The following TNPO3 variants were observed in gnomAD, a reference collection of about 807,000 sequenced individuals.
TNPO3 encodes transportin 3, also known as transportin-3.
In TNPO3, 65 loss-of-function variants were observed where a neutral mutation model predicts 122.8. The ratio of observed to expected loss-of-function variants is 0.53; its 90% CI spans 0.43 to 0.65. The LOEUF (loss-of-function observed/expected upper bound fraction) is 0.65, where lower values mean the gene tolerates loss of function less well. TNPO3 is among the 30% of genes least tolerant of loss of function. TNPO3 has a pLI of 0.00. For synonymous variants in TNPO3, 372 were observed against 411.2 expected (o/e 0.90, Z 1.15); for missense variants, 850 against 1,136.7 (o/e 0.75, Z 3.63).
intron 7 of TNPO3, among the ~76,000 whole-genome samples, chr7:128,999,612 A>G (rs1026917172): frequency 5.1e-5 from 6 of 117,698 alleles, no homozygotes; most frequent in African/African-American, 2.0e-4. Flanking sequence ...CTTCTTTCTC[A>G]CTTTTTTTTT....
At chr7:128,974,308 A>G (rs1384449635) in intron 18 of TNPO3, among the ~76,000 whole-genome samples, 1 of 134,660 alleles carries the variant, frequency 7.4e-6, no homozygotes, top group Non-Finnish European at 1.6e-5. Context: ...TTTTTTTTTA[A>G]TGCTGATATG....
intron 10 of TNPO3, 128 bp from the exon 11 acceptor site, chr7:128,990,228 C>T (rs931396661): frequency 2.0e-6 from 2 of 1,004,940 alleles, no homozygotes; most frequent in Non-Finnish European, 3.2e-6. Flanking sequence ...GATAAAAGTA[C>T]TTGGTATTTG....
intron 21 of TNPO3, among the ~76,000 whole-genome samples, chr7:128,960,469 G>C (rs1797331949): frequency 6.6e-6 from 1 of 151,932 alleles, no homozygotes; most frequent in South Asian, 2.1e-4. Flanking sequence ...AGTGGGACAA[G>C]ATGTAAAAAG....
At chr7:128,979,244 G>T in intron 15 of TNPO3, 121 bp from the exon 16 acceptor site, 2 of 1,187,316 alleles carry the variant, frequency 1.7e-6, no homozygotes, top group Non-Finnish European at 2.4e-6. Flanking sequence ...TTCTGTATAG[G>T]AACACACATG....
intron 18 of TNPO3, among the ~76,000 whole-genome samples, chr7:128,974,530 T>C (rs955864224): frequency 6.6e-6 from 1 of 151,964 alleles, no homozygotes; most frequent in African/African-American, 2.4e-5. Flanking sequence ...AAAGAGAAGG[T>C]TGAGGTGAAA....
Position 128,967,339 on chromosome 7 carries a change from G to A in TNPO3, c.2652C>T (p.Thr884=), listed in dbSNP as rs149434536. Residue 884 remains threonine, a synonymous_variant, in exon 21 of 23, where the codon ACC becomes ACT. Coordinates refer to ENST00000265388, the MANE Select transcript of TNPO3 (RefSeq NM_012470.4). The part of the protein sequence containing the change: ...NSLKGLPKET[T]VGAVTVTHKQ... ...TGTGTGTCACTGTGACGGCTCCCAC[G>A]GTTGTTTCCTTTGGCAAACCTTTTA... 3.3e-4 allele frequency: 528 copies of A among 1,613,932 alleles called. No homozygotes were observed. In the African/African-American group the frequency reaches 5.6e-3, roughly 17 times the overall value.
chr7:128,993,879 C>T lies in TNPO3; in HGVS notation c.1194G>A (p.Glu398=), dbSNP rs747051827. 3.1e-6 allele frequency: 5 copies of T among 1,613,972 alleles called. No individual in the cohort carries two copies. Among genetic ancestry groups the T allele is most frequent in the South Asian group, 2.2e-5 (2 of 91,080 alleles). ...GVPEETDDFG[E]FRMRVSDLVK... is the part of the protein sequence containing the mutation. ...CCAGGTCTGATACCCTCATGCGAAA[C>T]TCCCCAAAGTCATCAGTCTCCTCAG... is the stretch of plus-strand genomic sequence containing the variant. The change falls in exon 9 of 23, where the codon GAG becomes GAA. Residue 398 remains glutamate, a synonymous_variant. Coordinates refer to ENST00000265388, the MANE Select transcript of TNPO3 (RefSeq NM_012470.4).
At chr7:129,049,997 G>A (rs927402028) in intron 1 of TNPO3, among the ~76,000 whole-genome samples, 3 of 152,220 alleles carry the variant, frequency 2.0e-5, no homozygotes, top group Non-Finnish European at 4.4e-5. Context: ...ACTGAGGAGA[G>A]AGGATTGCCT....
intron 20 of TNPO3, among the ~76,000 whole-genome samples, chr7:128,967,610 G>C (rs1189109817): frequency 6.6e-6 from 1 of 152,190 alleles, no homozygotes; most frequent in Admixed American, 6.5e-5. Context: ...CCCTTCAAAG[G>C]GGCAGCGGGC....
At chr7:129,026,070 G>T (rs1382679852) in intron 1 of TNPO3, among the ~76,000 whole-genome samples, 2 of 148,984 alleles carry the variant, frequency 1.3e-5, no homozygotes, top group Non-Finnish European at 3.0e-5. Flanking sequence ...AGGTTGCAGT[G>T]AGCCGAGATC....
intron 1 of TNPO3, among the ~76,000 whole-genome samples, chr7:129,027,244 C>T (rs998341360): frequency 7.2e-5 from 11 of 152,068 alleles, no homozygotes; most frequent in Admixed American, 7.2e-4. Flanking sequence ...TCTGGTATTA[C>T]ATCAATTCAT....
Position 129,054,865 on chromosome 7 carries a change from C to T in TNPO3, c.-95G>A. On this transcript the variant is annotated 5_prime_UTR_variant, in exon 1 of 23. It adds an upstream start codon to the 5' untranslated region. Coordinates refer to ENST00000265388, the MANE Select transcript of TNPO3 (RefSeq NM_012470.4). ...TCGCGCTTCCTCACTGTCTGGGCCA[C>T]GGCCGCTCCCTGACTGGCGCCATCT... 3 of 1,546,206 alleles carry T rather than the reference C, an allele frequency of 1.9e-6. No homozygotes were observed. The highest frequency in any genetic ancestry group is 1.8e-6 in the Non-Finnish European group (2 of 1,133,294).
intron 5 of TNPO3, among the ~76,000 whole-genome samples, chr7:129,004,577 GATAAT>G (rs1482253428): frequency 6.6e-6 from 1 of 152,118 alleles, no homozygotes. Flanking sequence ...CAACTACAAA[GATAAT>G]ATCTTAATCT....
intron 1 of TNPO3, among the ~76,000 whole-genome samples, chr7:129,022,986 T>C (rs958271503): frequency 6.6e-6 from 1 of 152,182 alleles, no homozygotes; most frequent in African/African-American, 2.4e-5. Flanking sequence ...TGGTATGTAA[T>C]GATTACAAGC....
chr7:128,976,086 A>G, intron 16 of TNPO3, 151 bp from the exon 17 acceptor site: 1 of 629,110 alleles, frequency 1.6e-6, no homozygotes, highest in Non-Finnish European at 2.8e-6. Context: ...TTTGTGAAAC[A>G]CAGGGCTCAA....
chr7:129,009,902 T>C (rs1024826475), intron 4 of TNPO3, among the ~76,000 whole-genome samples: 1 of 151,408 alleles, frequency 6.6e-6, no homozygotes, highest in Non-Finnish European at 1.5e-5. Flanking sequence ...ACACTTCTCA[T>C]GTGAAAGTTA....
At chr7:128,981,853 C>G (rs1480681502) in intron 14 of TNPO3, among the ~76,000 whole-genome samples, 7 of 152,004 alleles carry the variant, frequency 4.6e-5, no homozygotes, top group Admixed American at 4.6e-4. Context: ...CTCAGCCTCC[C>G]AAATAGCTGG....
intron 10 of TNPO3, among the ~76,000 whole-genome samples, chr7:128,990,635 T>C (rs1349081625): frequency 6.6e-6 from 1 of 152,190 alleles, no homozygotes; most frequent in East Asian, 1.9e-4. Flanking sequence ...AGCTCACTAA[T>C]TGAAAGAACA....
chr7:129,043,347 G>C (rs754333792), intron 1 of TNPO3, among the ~76,000 whole-genome samples: 3 of 152,166 alleles, frequency 2.0e-5, no homozygotes, highest in Admixed American at 6.5e-5. Context: ...CCTAGTTACA[G>C]TGAGCTGTGA....
Sources: gnomAD v4.1 joint callset for allele counts (sites outside exome capture counted in the v4.1 genomes callset) on GRCh38, gnomAD v4.1.1 for gene constraint, MANE v1.5 for transcripts, NCBI Gene and HGNC (gene_info 2026-07-23, HGNC 2026-07-21) for gene names.